Variants in FAM227B observed in about 807,000 individuals in gnomAD.
FAM227B encodes protein FAM227B.
Under a neutral mutation model 73.8 loss-of-function variants are expected in FAM227B, and 88 were observed. The ratio of observed to expected loss-of-function variants is 1.19; its 90% CI spans 1.00 to 1.42. The LOEUF (loss-of-function observed/expected upper bound fraction) is 1.42, where lower values mean the gene tolerates loss of function less well. FAM227B is among the 40% of genes most tolerant of loss of function. The pLI is 0.00. For missense variants in FAM227B, 632 were observed against 590.9 expected, an observed-to-expected ratio of 1.07 and a Z score of -0.72; for synonymous variants, 210 against 190.5, an observed-to-expected ratio of 1.10 and a Z score of -0.84.
intron 11 of FAM227B, chr15:49,424,465 T>C (rs1455186314): frequency 3.1e-6 from 5 of 1,613,418 alleles, no homozygotes; most frequent in Admixed American, 1.7e-5. Context: ...CAAGAAGTTA[T>C]GATTACATGG....
At chr15:49,603,693 G>A (rs985153385) in intron 3 of FAM227B, among the ~76,000 whole-genome samples, 1 of 152,150 alleles carries the variant, frequency 6.6e-6, no homozygotes, top group African/African-American at 2.4e-5. Context: ...GTGAAAGTTA[G>A]AATAATAGTG....
intron 13 of FAM227B, among the ~76,000 whole-genome samples, chr15:49,351,192 G>T (rs567270871): frequency 4.6e-5 from 7 of 152,282 alleles, no homozygotes; most frequent in African/African-American, 1.7e-4. Flanking sequence ...TAGGCACAGT[G>T]TGTGATTATA....
At chr15:49,412,950 C>G (rs1285766801) in intron 11 of FAM227B, among the ~76,000 whole-genome samples, 1 of 152,132 alleles carries the variant, frequency 6.6e-6, no homozygotes, top group Non-Finnish European at 1.5e-5. Flanking sequence ...GCATTTCTCT[C>G]AGCCAAACTT....
At chr15:49,380,442 CAGG>C (rs1250185580) in intron 11 of FAM227B, among the ~76,000 whole-genome samples, 1 of 152,106 alleles carries the variant, frequency 6.6e-6, no homozygotes, top group East Asian at 1.9e-4. Flanking sequence ...TTTTCTCAAG[CAGG>C]AGTTTTGCGT....
chr15:49,410,460 C>G (rs1236257292), intron 11 of FAM227B, among the ~76,000 whole-genome samples: 1 of 151,928 alleles, frequency 6.6e-6, no homozygotes, highest in Non-Finnish European at 1.5e-5. Context: ...ATGTTTTTGT[C>G]TTCTTTTTTC....
At chr15:49,431,352 A>T (rs2050601507) in intron 11 of FAM227B, among the ~76,000 whole-genome samples, 1 of 151,832 alleles carries the variant, frequency 6.6e-6, no homozygotes, top group Non-Finnish European at 1.5e-5. Flanking sequence ...TCTTTAGTAG[A>T]GAAGTCGTGT....
intron 5 of FAM227B, among the ~76,000 whole-genome samples, chr15:49,586,593 T>C (rs1228845284): frequency 1.3e-5 from 2 of 151,486 alleles, no homozygotes; most frequent in African/African-American, 4.9e-5. Context: ...ACCAACAGAG[T>C]AAACAACCAA....
intron 11 of FAM227B, chr15:49,422,677 C>T: frequency 8.8e-7 from 1 of 1,138,310 alleles, no homozygotes. Flanking sequence ...CATTAGTGGT[C>T]CAACACAAAT....
chr15:49,336,490 T>C (rs1210180126), intron 13 of FAM227B, among the ~76,000 whole-genome samples: 1 of 152,200 alleles, frequency 6.6e-6, no homozygotes, highest in Non-Finnish European at 1.5e-5. Flanking sequence ...CACTAAGATA[T>C]AGGGGATGAA....
intron 11 of FAM227B, among the ~76,000 whole-genome samples, chr15:49,392,826 G>A (rs2047305102): frequency 6.6e-6 from 1 of 152,132 alleles, no homozygotes; most frequent in Admixed American, 6.6e-5. Flanking sequence ...TATTTCAAAT[G>A]GTCATAGACT....
rs2037889861 is a variant in FAM227B, at chr15:49,328,370, C to T, written c.*198G>A. 1 of 1,428,590 alleles carries T rather than the reference C, an allele frequency of 7.0e-7. No individual in the cohort carries two copies. Among genetic ancestry groups the T allele is most frequent in the African/African-American group, 1.4e-5 (1 of 69,528 alleles). 88.5% of individuals were successfully genotyped at this position (1,428,590 alleles called of 1,614,324 possible). On this transcript the variant is annotated 3_prime_UTR_variant, in exon 16 of 16. Transcript: ENST00000299338. ...TAAAATATGGTTTTACTATTAAGAG[C>T]CAAGATCATGCTTGGACAGATCTTT...
At chr15:49,554,678 T>C (rs2073444919) in intron 9 of FAM227B, among the ~76,000 whole-genome samples, 1 of 152,226 alleles carries the variant, frequency 6.6e-6, no homozygotes, top group South Asian at 2.1e-4. Flanking sequence ...GGAGGGGTGG[T>C]GTTGGTGATT....
chr15:49,491,776 T>C (rs917584768), intron 11 of FAM227B, among the ~76,000 whole-genome samples: 2 of 151,716 alleles, frequency 1.3e-5, no homozygotes, highest in Admixed American at 6.6e-5. Context: ...ATTCATCTAC[T>C]TCAGTTAAAC....
In FAM227B at chr15:49,385,614, TA is replaced by T. The variant is rs2046833967; in HGVS notation, c.1013-14216del. Among the ~76,000 whole-genome samples, 3 of 141,818 alleles carry T rather than the reference TA, an allele frequency of 2.1e-5. No individual in the cohort carries two copies. The East Asian group carries it at 6.3e-4, about 30-fold the overall frequency. The allele number at this position is 141,818 out of a possible 152,430, so 93.0% of individuals were successfully genotyped here. On this transcript the variant is annotated intron_variant, in intron 11 of 15. Coordinates refer to ENST00000299338, the MANE Select transcript of FAM227B (RefSeq NM_152647.3). ...GTAACACAATGAAAAAAAAAAAAAC[TA>T]GGTAATAACATGATGAAGAGAACAG...
chr15:49,594,115 A>G (rs1349886327), intron 3 of FAM227B, among the ~76,000 whole-genome samples: 1 of 152,028 alleles, frequency 6.6e-6, no homozygotes, highest in African/African-American at 2.4e-5. Flanking sequence ...AATTTTGGCA[A>G]TTCTCGCAGG....
At chr15:49,533,016 G>T (rs1308630261) in intron 10 of FAM227B, among the ~76,000 whole-genome samples, 1 of 151,768 alleles carries the variant, frequency 6.6e-6, no homozygotes, top group Non-Finnish European at 1.5e-5. Context: ...ATTTTTGTGT[G>T]TCCCCCCCAC....
intron 3 of FAM227B, among the ~76,000 whole-genome samples, chr15:49,610,537 T>A (rs2153329927): frequency 6.6e-6 from 1 of 152,218 alleles, no homozygotes; most frequent in South Asian, 2.1e-4. Context: ...AAATACTATT[T>A]ACATTTAAGC....
intron 11 of FAM227B, among the ~76,000 whole-genome samples, chr15:49,449,204 T>G (rs1210193636): frequency 3.5e-4 from 53 of 151,952 alleles, no homozygotes; most frequent in Admixed American, 3.0e-3. Context: ...GTTACCTAAT[T>G]TCCACCTGCA....
intron 9 of FAM227B, among the ~76,000 whole-genome samples, chr15:49,555,520 T>C (rs2073564717): frequency 6.6e-6 from 1 of 152,252 alleles, no homozygotes; most frequent in Non-Finnish European, 1.5e-5. Flanking sequence ...CTGATGACTA[T>C]GTGACTTGGA....
Sources: gnomAD v4.1 joint callset for allele counts (sites outside exome capture counted in the v4.1 genomes callset) on GRCh38, gnomAD v4.1.1 for gene constraint, MANE v1.5 for transcripts, NCBI Gene and HGNC (gene_info 2026-07-23, HGNC 2026-07-21) for gene names.